The following WFIKKN1 variants were observed in gnomAD, a reference collection of about 807,000 sequenced individuals.
The protein encoded by WFIKKN1 is WAP, follistatin/kazal, immunoglobulin, kunitz and netrin domain containing 1.
A neutral mutation model predicts 4.6 loss-of-function variants in WFIKKN1; 6 were observed. That is an observed-to-expected ratio of 1.31 (90% CI 0.72 to 2.59). WFIKKN1 has a LOEUF of 2.59. Ranked by LOEUF, WFIKKN1 falls within the 30% of genes most tolerant of loss-of-function variation. The pLI, the probability that WFIKKN1 is intolerant of heterozygous loss-of-function variation, is 0.00. For synonymous variants in WFIKKN1, 468 were observed against 367.4 expected, an observed-to-expected ratio of 1.27 and a Z score of -3.13; for missense variants, 964 against 818.0, an observed-to-expected ratio of 1.18 and a Z score of -2.18.
rs1322632195 is a variant in WFIKKN1, at chr16:633,708, G to A, written c.1298G>A (p.Ser433Asn). 2.3e-5 allele frequency: 37 copies of A among 1,586,140 alleles called. No individual in the cohort carries two copies. The highest frequency in any genetic ancestry group is 2.8e-5 in the Non-Finnish European group (33 of 1,166,796). The change falls in exon 2 of 2, where the codon AGC becomes AAC. Residue 433 changes from serine (S) to asparagine (N), a missense_variant. Coordinates refer to ENST00000319070, the MANE Select transcript of WFIKKN1 (RefSeq NM_053284.3). ...AAGCTGGCGCTGAGCCTGTGCCGCA[G>A]CGACTTCGCCATCGTGGGGCGGCTC... ...RSKLALSLCR[S>N]DFAIVGRLTE... is the part of the protein sequence containing the mutation.
rs140587807 is a variant in WFIKKN1 at position 632,382 on chromosome 16, G to A, written c.172-200G>A. ...AACGGAACTTGCTTGTGGGTGTGAGGATTCTGGAAGGTAAGCCAGGTGGCA... is the reference window on the plus strand; with the variant it reads ...AACGGAACTTGCTTGTGGGTGTGAGAATTCTGGAAGGTAAGCCAGGTGGCA... On this transcript the variant is annotated intron_variant, in intron 1 of 1. Transcript: ENST00000319070. The A allele has an allele frequency of 5.6e-4, 305 of 545,576 alleles. 12 individuals carry two copies. The South Asian group carries it at 8.5e-3, about 15-fold the overall frequency. The allele number at this position is 545,576 out of a possible 1,614,324, so 33.8% of individuals were successfully genotyped here. A position where few individuals can be genotyped will look rare whatever the true frequency, so the allele number is the denominator to read the frequency against.
At position 633,377 on chromosome 16, in the gene WFIKKN1, C is replaced by G. The variant is rs1350354172; in HGVS notation, c.967C>G (p.Arg323Gly). The change falls in exon 2 of 2, where the codon CGG (arginine) becomes GGG (glycine). Residue 323 changes from arginine (R) to glycine (G), a missense_variant. Physicochemically the swap from Arg to Gly is moderately radical, Grantham distance 125. Coordinates refer to ENST00000319070, the MANE Select transcript of WFIKKN1 (RefSeq NM_053284.3). Reference protein sequence around the residue: ...HLVLWHYDPQRGGCMTFPARG... With the variant: ...HLVLWHYDPQGGGCMTFPARG... ...TGTCCTCTGGCACTACGACCCGCAG[C>G]GGGGCGGCTGCATGACCTTCCCGGC... 28 of 1,566,050 alleles carry G rather than the reference C, an allele frequency of 1.8e-5. No homozygotes were observed. Among genetic ancestry groups the G allele is most frequent in the Non-Finnish European group, 2.4e-5 (28 of 1,163,774 alleles).
At position 631,106 on chromosome 16, in the gene WFIKKN1, A is replaced by G. The variant is rs1189799579; in HGVS notation, c.-148A>G. On this transcript the variant is annotated 5_prime_UTR_variant, in exon 1 of 2. Coordinates refer to ENST00000319070, the MANE Select transcript of WFIKKN1 (RefSeq NM_053284.3). ...AGGACAAGCATCTGCTGCAGGCTTCAGCCTCAGGGGCAAAAGGGAGCCCCG... is the reference window on the plus strand; with the variant it reads ...AGGACAAGCATCTGCTGCAGGCTTCGGCCTCAGGGGCAAAAGGGAGCCCCG... The G allele has an allele frequency of 2.5e-5, 23 of 917,902 alleles. No homozygotes were observed. The highest frequency in any genetic ancestry group is 3.5e-5 in the Non-Finnish European group (22 of 634,612). 56.9% of individuals were successfully genotyped at this position (917,902 alleles called of 1,614,324 possible).
In WFIKKN1 at chr16:631,427, G is replaced by C; in HGVS notation, c.171+3G>C. On this transcript the variant is annotated splice_donor_region_variant and intron_variant, in intron 1 of 1. Transcript: ENST00000319070. The stretch of plus-strand genomic sequence containing the variant: ...AGCGCGAGTGTAGCAGGGACCAGGT[G>C]AGTGTGGTCGGGCCGGGGTCCTGGG... The C allele has an allele frequency of 6.2e-7, 1 of 1,605,736 alleles. No individual in the cohort carries two copies. Among genetic ancestry groups the C allele is most frequent in the Non-Finnish European group, 8.5e-7 (1 of 1,178,126 alleles).
rs374542712 is a variant in WFIKKN1, at chr16:631,203, C to G, written c.-51C>G. 2 of 1,514,190 alleles carry G rather than the reference C, an allele frequency of 1.3e-6. No homozygotes were observed. The highest frequency in any genetic ancestry group is 1.2e-5 in the South Asian group (1 of 81,474). The allele number at this position is 1,514,190 out of a possible 1,614,324, so 93.8% of individuals were successfully genotyped here. On this transcript the variant is annotated 5_prime_UTR_variant, in exon 1 of 2. Transcript: ENST00000319070. ...GCAGGAAGCTGGGCTCTGTGGAGCC[C>G]GAGGAGGGGCTGGTGGCCACACCCC...
In WFIKKN1 at chr16:633,104, C is replaced by G; in HGVS notation, c.694C>G (p.Arg232Gly). The part of the protein sequence containing the change: ...QSHQRENLIM[R>G]PDQMYGNVVV... ...TCACCAGCGAGAGAACCTGATCATGCGCCCTGATCAGATGTATGGCAACGT... is the reference window on the plus strand; with the variant it reads ...TCACCAGCGAGAGAACCTGATCATGGGCCCTGATCAGATGTATGGCAACGT... The change falls in exon 2 of 2, where the codon CGC (arginine) becomes GGC (glycine). Residue 232 changes from arginine to glycine, a missense_variant. Physicochemically the swap from Arg to Gly is moderately radical, Grantham distance 125 (BLOSUM62 -2). Coordinates refer to ENST00000319070, the MANE Select transcript of WFIKKN1 (RefSeq NM_053284.3). The G allele has an allele frequency of 6.2e-7, 1 of 1,611,836 alleles. No individual in the cohort carries two copies. The highest frequency in any genetic ancestry group is 8.5e-7 in the Non-Finnish European group (1 of 1,179,334).
In WFIKKN1 at chr16:631,439, G is replaced by A. The variant is rs1038898859; in HGVS notation, c.171+15G>A. The A allele has an allele frequency of 2.5e-6, 4 of 1,599,508 alleles. No homozygotes were observed. Among genetic ancestry groups the A allele is most frequent in the Non-Finnish European group, 2.6e-6 (3 of 1,176,264 alleles). On this transcript the variant is annotated intron_variant, in intron 1 of 1. Coordinates refer to ENST00000319070, the MANE Select transcript of WFIKKN1 (RefSeq NM_053284.3). Reference sequence around the variant, plus strand: ...GCAGGGACCAGGTGAGTGTGGTCGGGCCGGGGTCCTGGGGCTCAGAGCAGC... The same window carrying A: ...GCAGGGACCAGGTGAGTGTGGTCGGACCGGGGTCCTGGGGCTCAGAGCAGC...
At chr16:632,457 C>CG in intron 1 of WFIKKN1, 125 bp from the exon 2 acceptor site, 2 of 1,239,406 alleles carry the variant, frequency 1.6e-6, no homozygotes, top group Non-Finnish European at 2.1e-6. Context: ...ACTGAGTCCC[C>CG]GGGGAGGCAG....
At chr16:631,588 TAAG>T in intron 1 of WFIKKN1, 164 bp downstream of exon 1, 4 of 532,574 alleles carry the variant, frequency 7.5e-6, no homozygotes, top group Non-Finnish European at 1.1e-5. Flanking sequence ...TCATTTGTCT[TAAG>T]AATAAGAGCC....
rs2036943877 is a variant in WFIKKN1 at position 631,146 on chromosome 16, G to A, written c.-108G>A. On this transcript the variant is annotated 5_prime_UTR_variant, in exon 1 of 2. Transcript: ENST00000319070. ...AGGGAGCCCCGGGGTCCTGGTGGGG[G>A]CACCGACCACAGGCCCGGAGGGTGG... is the stretch of plus-strand genomic sequence containing the variant. The A allele has an allele frequency of 2.3e-6, 3 of 1,303,782 alleles. No homozygotes were observed. The highest frequency in any genetic ancestry group is 3.1e-5 in the African/African-American group (2 of 64,844). The allele number at this position is 1,303,782 out of a possible 1,614,324, so 80.8% of individuals were successfully genotyped here. A position where few individuals can be genotyped will look rare whatever the true frequency, so the allele number is the denominator to read the frequency against.
Position 633,057 on chromosome 16 carries a change from C to CTG in WFIKKN1, c.650_651dup (p.Thr218Ter). The CTG allele has an allele frequency of 6.2e-7, 1 of 1,612,096 alleles. No homozygotes were observed. The highest frequency in any genetic ancestry group is 8.5e-7 in the Non-Finnish European group (1 of 1,179,548). The stretch of plus-strand genomic sequence containing the variant: ...GACGTCAGCGGCCGCCCGCCGCCTG[C>CTG]TGTGACCTGGGAGAAGCAGAGTCAC... On this transcript the variant is annotated frameshift_variant, in exon 2 of 2. Coordinates refer to ENST00000319070, the MANE Select transcript of WFIKKN1 (RefSeq NM_053284.3). LOFTEE classifies it low-confidence loss of function (END_TRUNC).
Position 632,668 on chromosome 16 carries a change from G to T in WFIKKN1, c.258G>T (p.Ala86=). 1 of 1,604,380 alleles carries T rather than the reference G, an allele frequency of 6.2e-7. No homozygotes were observed. The highest frequency in any genetic ancestry group is 8.5e-7 in the Non-Finnish European group (1 of 1,175,624). Residue 86 remains alanine (A), a synonymous_variant, in exon 2 of 2, where the codon GCG becomes GCT. Transcript: ENST00000319070. Reference sequence around the variant, plus strand: ...CACGCTTCCCCGGCAGCCCAGCTGCGCCGACGACAGCGGCCTCCTGCGAGG... The same window carrying T: ...CACGCTTCCCCGGCAGCCCAGCTGCTCCGACGACAGCGGCCTCCTGCGAGG... ...VAARFPGSPA[A]PTTAASCEGF...
Position 633,173 on chromosome 16 carries a change from C to T in WFIKKN1, c.763C>T (p.Pro255Ser). The change falls in exon 2 of 2, where the codon CCC becomes TCC. Residue 255 changes from proline (P) to serine (S), a missense_variant. Physicochemically the swap from Pro to Ser is moderately conservative, Grantham distance 74 (BLOSUM62 -1). Coordinates refer to ENST00000319070, the MANE Select transcript of WFIKKN1 (RefSeq NM_053284.3). ...IGQLVLYNAR[P>S]EDAGLYTCTA... is the part of the protein sequence containing the mutation. ...GCAGCTGGTGCTCTACAACGCGCGGCCCGAAGACGCCGGCCTGTACACCTG... is the reference window on the plus strand; with the variant it reads ...GCAGCTGGTGCTCTACAACGCGCGGTCCGAAGACGCCGGCCTGTACACCTG... 4 of 1,595,992 alleles carry T rather than the reference C, an allele frequency of 2.5e-6. No homozygotes were observed. Among genetic ancestry groups the T allele is most frequent in the Non-Finnish European group, 3.4e-6 (4 of 1,169,346 alleles).
rs2036942918 is a variant in WFIKKN1 at position 631,050 on chromosome 16, G to A, written c.-204G>A. On this transcript the variant is annotated 5_prime_UTR_variant, in exon 1 of 2. Coordinates refer to ENST00000319070, the MANE Select transcript of WFIKKN1 (RefSeq NM_053284.3). ...CACACAGACGGCCTCTGAGAACTTG[G>A]AGACCCCGTTACCCACCCAGCAGGG... The A allele has an allele frequency of 3.3e-6, 2 of 598,820 alleles. No homozygotes were observed. Among genetic ancestry groups the A allele is most frequent in the South Asian group, 2.1e-5 (1 of 47,930 alleles). 37.1% of individuals were successfully genotyped at this position (598,820 alleles called of 1,614,324 possible).
chr16:632,581 G>A lies in WFIKKN1; in HGVS notation c.172-1G>A. Reference sequence around the variant, plus strand: ...CCCACCTAAGTGTCCCCCATCCCCAGGACTGTGCGGCTGCTGAGAAGTGCT... The same window carrying A: ...CCCACCTAAGTGTCCCCCATCCCCAAGACTGTGCGGCTGCTGAGAAGTGCT... On this transcript the variant is annotated splice_acceptor_variant, in intron 1 of 1. Transcript: ENST00000319070. LOFTEE classifies it high-confidence loss of function. 1 of 1,540,350 alleles carries A rather than the reference G, an allele frequency of 6.5e-7. No homozygotes were observed. The highest frequency in any genetic ancestry group is 8.8e-7 in the Non-Finnish European group (1 of 1,139,796).
At chr16:632,195 T>G (rs1023083042) in intron 1 of WFIKKN1, 1 of 173,410 alleles carries the variant, frequency 5.8e-6, no homozygotes, top group Non-Finnish European at 1.2e-5. Flanking sequence ...CTGTCCTCCC[T>G]GTCCTCCCAC....
In WFIKKN1 at chr16:631,401, G is replaced by A. The variant is rs746596297; in HGVS notation, c.148G>A (p.Glu50Lys). ...GTGGGTGGACGCCCAGAGCACCTGT[G>A]AGCGCGAGTGTAGCAGGGACCAGGT... Reference protein sequence around the residue: ...NLWVDAQSTCERECSRDQDCA... With the variant: ...NLWVDAQSTCKRECSRDQDCA... Residue 50 changes from glutamate to lysine, a missense_variant, in exon 1 of 2, where the codon GAG (glutamate) becomes AAG (lysine). Coordinates refer to ENST00000319070, the MANE Select transcript of WFIKKN1 (RefSeq NM_053284.3). 5 of 1,609,396 alleles carry A rather than the reference G, an allele frequency of 3.1e-6. No individual in the cohort carries two copies. Among genetic ancestry groups the A allele is most frequent in the African/African-American group, 1.3e-5 (1 of 74,710 alleles).
chr16:633,201 C>G lies in WFIKKN1; in HGVS notation c.791C>G (p.Thr264Ser), dbSNP rs1011697016. 1.3e-6 allele frequency: 2 copies of G among 1,591,862 alleles called. No homozygotes were observed. The highest frequency in any genetic ancestry group is 1.7e-6 in the Non-Finnish European group (2 of 1,168,550). ...GAAGACGCCGGCCTGTACACCTGCA[C>G]CGCGCGCAACGCTGCTGGGCTGCTG... ...RPEDAGLYTC[T>S]ARNAAGLLRA... The change falls in exon 2 of 2, where the codon ACC becomes AGC. Residue 264 changes from threonine (T) to serine (S), a missense_variant. Coordinates refer to ENST00000319070, the MANE Select transcript of WFIKKN1 (RefSeq NM_053284.3).
At chr16:632,084 C>G in intron 1 of WFIKKN1, 1 of 144,534 alleles carries the variant, frequency 6.9e-6, no homozygotes. Flanking sequence ...CTCCCATCCA[C>G]TTCTTCCATC....
Sources: allele counts gnomAD v4.1 joint callset, GRCh38; gene constraint gnomAD v4.1.1; transcripts MANE v1.5; gene names NCBI Gene and HGNC (gene_info 2026-07-23, HGNC 2026-07-21).